SYNM: variants seen among roughly 807,000 people sequenced by gnomAD.
SYNM encodes desmuslin.
Under a neutral mutation model 104.0 loss-of-function variants are expected in SYNM, and 95 were observed. The ratio of observed to expected loss-of-function variants is 0.91; its 90% CI spans 0.77 to 1.08. The LOEUF (loss-of-function observed/expected upper bound fraction) is 1.08. SYNM is among the 50% of genes least tolerant of loss of function. The probability of loss-of-function intolerance (pLI) is 0.00; values close to 1 mark genes in which losing one functional copy is unlikely to be tolerated. For missense variants in SYNM, 2,150 were observed against 2,052.2 expected (o/e 1.05, Z -0.92); for synonymous variants, 918 against 869.0 (o/e 1.06, Z -0.99).
At position 99,131,626 on chromosome 15, in the gene SYNM, G is replaced by A. The variant is rs2067509225; in HGVS notation, c.3266G>A (p.Ser1089Asn). 3.1e-6 allele frequency: 5 copies of A among 1,610,470 alleles called. No homozygotes were observed. Among genetic ancestry groups the A allele is most frequent in the Non-Finnish European group, 4.2e-6 (5 of 1,179,504 alleles). Reference sequence around the variant, plus strand: ...GAGGTTGCTGGTGGGGCCTCTCACAGCTCGGGACAGCGCACTCCCCAGGGC... The same window carrying A: ...GAGGTTGCTGGTGGGGCCTCTCACAACTCGGGACAGCGCACTCCCCAGGGC... ...ESEVAGGASHSSGQRTPQGPV... is the reference protein window; with the variant it reads ...ESEVAGGASHNSGQRTPQGPV... Residue 1089 changes from serine to asparagine, a missense_variant, in exon 4 of 4, where the codon AGC becomes AAC. Ser to Asn is a conservative substitution (Grantham distance 46). Coordinates refer to ENST00000336292, the MANE Select transcript of SYNM (RefSeq NM_145728.3). This position sits in a 1 kb window ranked among gnomAD's most constrained non-coding sequence, Gnocchi z 4.3.
chr15:99,117,323 C>G (rs2067358679), intron 2 of SYNM, among the ~76,000 whole-genome samples: 1 of 152,180 alleles, frequency 6.6e-6, no homozygotes, highest in South Asian at 2.1e-4. Context: ...GCCTCTCCAT[C>G]TCTGCTGGGT....
In SYNM at chr15:99,130,217, G is replaced by A. The variant is rs782134990; in HGVS notation, c.1857G>A (p.Arg619=). ...CAGAAGCAAGAGAGCTACGGTTCAGGTTGGGCACCAGTGATGCCACTGGTT... is the reference window on the plus strand; with the variant it reads ...CAGAAGCAAGAGAGCTACGGTTCAGATTGGGCACCAGTGATGCCACTGGTT... The part of the protein sequence containing the change: ...REAEARELRF[R]LGTSDATGSL... The change falls in exon 4 of 4, where the codon AGG becomes AGA. Residue 619 remains arginine, a synonymous_variant. Coordinates refer to ENST00000336292, the MANE Select transcript of SYNM (RefSeq NM_145728.3). 137 of 1,613,858 alleles carry A rather than the reference G, an allele frequency of 8.5e-5. No individual in the cohort carries two copies. Among genetic ancestry groups the A allele is most frequent in the Non-Finnish European group, 1.2e-4 (136 of 1,179,902 alleles).
chr15:99,131,895 G>T lies in SYNM; in HGVS notation c.3535G>T (p.Gly1179Cys), dbSNP rs369434845. 1.2e-6 allele frequency: 2 copies of T among 1,613,914 alleles called. No individual in the cohort carries two copies. The highest frequency in any genetic ancestry group is 1.7e-6 in the Non-Finnish European group (2 of 1,179,862). ...TGTGAGGCATGTCACGCTGGGTCCC[G>T]GTCAAAGTCCACTGTCCAGAGAAGT... ...RSVRHVTLGP[G>C]QSPLSREVIF... The change falls in exon 4 of 4, where the codon GGT becomes TGT. Residue 1179 changes from glycine to cysteine, a missense_variant. Coordinates refer to ENST00000336292, the MANE Select transcript of SYNM (RefSeq NM_145728.3). This position sits in a 1 kb window ranked among gnomAD's most constrained non-coding sequence, Gnocchi z 4.3.
rs2067229935 is a variant in SYNM, at chr15:99,105,711, C to T, written c.512C>T (p.Thr171Ile). The change falls in exon 1 of 4, where the codon ACC becomes ATC. Residue 171 changes from threonine (T) to isoleucine (I), a missense_variant. Thr to Ile is a moderately conservative substitution (Grantham distance 89). Coordinates refer to ENST00000336292, the MANE Select transcript of SYNM (RefSeq NM_145728.3). The part of the protein sequence containing the change: ...SLTMHFRARA[T>I]GPAAPPPRLR... ...ACCATGCATTTCCGCGCCCGCGCCA[C>T]CGGCCCCGCCGCGCCGCCGCCACGC... The T allele has an allele frequency of 2.0e-6, 3 of 1,493,722 alleles. No individual in the cohort carries two copies. The highest frequency in any genetic ancestry group is 2.9e-5 in the African/African-American group (2 of 68,242). The allele number at this position is 1,493,722 out of a possible 1,614,324, so 92.5% of individuals were successfully genotyped here. A position where few individuals can be genotyped will look rare whatever the true frequency, so the allele number is the denominator to read the frequency against.
In SYNM at chr15:99,105,350, G is replaced by A. The variant is rs782507279; in HGVS notation, c.151G>A (p.Gly51Ser). 4 of 1,535,972 alleles carry A rather than the reference G, an allele frequency of 2.6e-6. No homozygotes were observed. In the South Asian group the frequency reaches 4.8e-5, roughly 18 times the overall value. The part of the protein sequence containing the change: ...EELRGRRGRE[G>S]LWAEGQARCA... Reference sequence around the variant, plus strand: ...GCTGCGCGGCCGGCGCGGGCGAGAGGGCCTGTGGGCCGAGGGGCAGGCCCG... The same window carrying A: ...GCTGCGCGGCCGGCGCGGGCGAGAGAGCCTGTGGGCCGAGGGGCAGGCCCG... Residue 51 changes from glycine to serine, a missense_variant, in exon 1 of 4, where the codon GGC becomes AGC. Gly to Ser is a moderately conservative substitution (Grantham distance 56). Transcript: ENST00000336292.
chr15:99,140,231 A>G (rs1160626265), downstream of SYNM: 1 of 153,634 alleles, frequency 6.5e-6, no homozygotes, highest in Middle Eastern at 3.2e-3. Flanking sequence ...ATAAATGGGT[A>G]CTGGGACCGC....
rs1555482612 is a variant in SYNM at position 99,105,841 on chromosome 15, G to T, written c.642G>T (p.Arg214=). Residue 214 remains arginine (R), a synonymous_variant, in exon 1 of 4, where the codon CGG becomes CGT. Transcript: ENST00000336292. ...TGCGCGAGCTGGAGGAGGCGCTGCG[G>T]CGCGGCCAGGAGAGCAGACTCCAGG... ...DEVRELEEAL[R]RGQESRLQAE... is the part of the protein sequence containing the mutation. 3 of 1,543,030 alleles carry T rather than the reference G, an allele frequency of 1.9e-6. No individual in the cohort carries two copies. Among genetic ancestry groups the T allele is most frequent in the Non-Finnish European group, 2.6e-6 (3 of 1,146,308 alleles).
intron 2 of SYNM, among the ~76,000 whole-genome samples, chr15:99,121,599 G>T (rs889444246): frequency 1.3e-5 from 2 of 152,188 alleles, no homozygotes; most frequent in African/African-American, 4.8e-5. Context: ...AACCTGCAGC[G>T]CCCCAAACCC....
At chr15:99,106,450 A>G (rs1261414191) in intron 1 of SYNM, among the ~76,000 whole-genome samples, 3 of 152,218 alleles carry the variant, frequency 2.0e-5, no homozygotes, top group African/African-American at 7.2e-5. Context: ...CCTCAGGGGA[A>G]AACTCAAATT....
chr15:99,114,752 C>T (rs2067331376), intron 2 of SYNM, among the ~76,000 whole-genome samples: 1 of 145,508 alleles, frequency 6.9e-6, no homozygotes, highest in Non-Finnish European at 1.5e-5. Context: ...GCCGGCGGAA[C>T]AGTGCTCCTC....
rs2067224966 is a variant in SYNM at position 99,105,534 on chromosome 15, A to T, written c.335A>T (p.Glu112Val). The change falls in exon 1 of 4, where the codon GAG (glutamate) becomes GTG (valine). Residue 112 changes from glutamate (E) to valine (V), a missense_variant. Glu to Val is a moderately radical substitution (Grantham distance 121). Transcript: ENST00000336292. ...ERAARGRLDAELGAQQRELQE... is the reference protein window; with the variant it reads ...ERAARGRLDAVLGAQQRELQE... ...GCCGCCCGCGGCCGCCTGGACGCCG[A>T]GCTGGGTGCGCAGCAGCGCGAGCTG... is the stretch of plus-strand genomic sequence containing the variant. 4 of 1,244,830 alleles carry T rather than the reference A, an allele frequency of 3.2e-6. No homozygotes were observed. In the East Asian group the frequency reaches 1.4e-4, roughly 44 times the overall value. 77.1% of individuals were successfully genotyped at this position (1,244,830 alleles called of 1,614,324 possible). A position where few individuals can be genotyped will look rare whatever the true frequency, so the allele number is the denominator to read the frequency against.
At chr15:99,138,261 G>A, downstream of SYNM, 1 of 1,033,266 alleles carries the variant, frequency 9.7e-7, no homozygotes, top group Non-Finnish European at 1.4e-6. Context: ...AATGAGAGGA[G>A]AATTGTAGCA....
intron 2 of SYNM, among the ~76,000 whole-genome samples, chr15:99,119,974 CAG>C (rs1243910391): frequency 6.6e-6 from 1 of 152,198 alleles, no homozygotes; most frequent in Non-Finnish European, 1.5e-5. Flanking sequence ...GAATGGGTGA[CAG>C]GGAGTGACAG....
At chr15:99,138,621 C>G (rs1303747670), downstream of SYNM, among the ~76,000 whole-genome samples, 1 of 152,224 alleles carries the variant, frequency 6.6e-6, no homozygotes, top group African/African-American at 2.4e-5. Context: ...CCCCTCCCAT[C>G]TTTTAAAATC....
downstream of SYNM, chr15:99,139,100 A>G (rs1308632264): frequency 2.1e-5 from 14 of 666,698 alleles, no homozygotes; most frequent in Middle Eastern, 3.4e-4. Context: ...CATCCAGCAT[A>G]TATTTCTGAC....
At position 99,105,278 on chromosome 15, in the gene SYNM, T is replaced by G; in HGVS notation, c.79T>G (p.Cys27Gly). ...CAACGCCCGGCTCTATGACTACGTG[T>G]GTCGGGTGCGGGAGCTGGAGCGCGA... Reference protein sequence around the residue: ...ELNARLYDYVCRVRELERENL... With the variant: ...ELNARLYDYVGRVRELERENL... Residue 27 changes from cysteine (C) to glycine (G), a missense_variant, in exon 1 of 4, where the codon TGT (cysteine) becomes GGT (glycine). By Grantham distance (159) the Cys-to-Gly change is radical. Transcript: ENST00000336292. 6.4e-7 allele frequency: 1 copy of G among 1,558,450 alleles called. No homozygotes were observed. The highest frequency in any genetic ancestry group is 8.7e-7 in the Non-Finnish European group (1 of 1,152,272).
intron 2 of SYNM, among the ~76,000 whole-genome samples, chr15:99,124,317 C>A (rs995877736): frequency 6.6e-6 from 1 of 152,210 alleles, no homozygotes; most frequent in African/African-American, 2.4e-5. Flanking sequence ...ATGCTTTCGC[C>A]GTGTAGTCCT....
Position 99,105,571 on chromosome 15 carries a change from G to A in SYNM, c.372G>A (p.Leu124=), listed in dbSNP as rs1683181876. The change falls in exon 1 of 4, where the codon CTG becomes CTA. Residue 124 remains leucine, a synonymous_variant. Transcript: ENST00000336292. ...GAQQRELQEA[L]GARAALEALL... is the part of the protein sequence containing the mutation. The stretch of plus-strand genomic sequence containing the variant: ...AGCAGCGCGAGCTGCAGGAGGCGCT[G>A]GGCGCGCGCGCCGCCCTCGAGGCGC... The A allele has an allele frequency of 3.4e-6, 4 of 1,164,374 alleles. No homozygotes were observed. Among genetic ancestry groups the A allele is most frequent in the Non-Finnish European group, 4.2e-6 (4 of 947,696 alleles). 72.1% of individuals were successfully genotyped at this position (1,164,374 alleles called of 1,614,324 possible). A position where few individuals can be genotyped will look rare whatever the true frequency, so the allele number is the denominator to read the frequency against.
At chr15:99,126,590 T>C (rs2067449880) in intron 2 of SYNM, 132 bp from the exon 3 acceptor site, 4 of 918,964 alleles carry the variant, frequency 4.4e-6, no homozygotes, top group Non-Finnish European at 6.6e-6. Flanking sequence ...CCTGCCCAAG[T>C]CTCCTCTTCA....
Sources: allele counts gnomAD v4.1 joint callset (sites outside exome capture counted in the v4.1 genomes callset), GRCh38; gene constraint gnomAD v4.1.1; non-coding constraint Gnocchi (gnomAD v3.1); transcripts MANE v1.5; gene names NCBI Gene and HGNC (gene_info 2026-07-23, HGNC 2026-07-21).